Variants in POLA2 observed in about 807,000 individuals in gnomAD.
POLA2 encodes the protein DNA polymerase alpha 2, accessory subunit.
In POLA2, 47 loss-of-function variants were observed where a neutral mutation model predicts 82.8. The observed-to-expected ratio is 0.57, with a 90% confidence interval of 0.45 to 0.72. The LOEUF (loss-of-function observed/expected upper bound fraction) is 0.72. Among genes scored for constraint, POLA2 ranks in the 30% least tolerant of loss-of-function variants. The pLI is 0.00. For missense variants in POLA2, 634 were observed against 728.1 expected, an observed-to-expected ratio of 0.87 and a Z score of 1.49; for synonymous variants, 287 against 286.8, an observed-to-expected ratio of 1.00 and a Z score of -0.01.
At chr11:65,264,847 A>G (rs1451238251) in intron 1 of POLA2, among the ~76,000 whole-genome samples, 1 of 152,132 alleles carries the variant, frequency 6.6e-6, no homozygotes, top group Non-Finnish European at 1.5e-5. Context: ...TTTTCCTACT[A>G]GTATAGAAAT....
chr11:65,276,019 A>C (rs1300150887), intron 5 of POLA2, 21 bp downstream of exon 5: 4 of 1,448,996 alleles, frequency 2.8e-6, no homozygotes, highest in Non-Finnish European at 2.9e-6. Context: ...TAATTCATTC[A>C]AGTGCCATAA....
In POLA2 at chr11:65,275,981, G is replaced by C. The variant is rs371108659; in HGVS notation, c.444G>C (p.Pro148=). The change falls in exon 5 of 18, where the codon CCG becomes CCC. Residue 148 remains proline, a synonymous_variant. Transcript: ENST00000265465. ...STRSPHQLLS[P]SSFSPSATPS... ...GTAGCCCCCATCAGCTACTCTCACC[G>C]TCAAGTTTCTCTCCAAGGTATGGAT... The C allele has an allele frequency of 6.3e-7, 1 of 1,598,810 alleles. No homozygotes were observed. The highest frequency in any genetic ancestry group is 8.5e-7 in the Non-Finnish European group (1 of 1,171,484).
In POLA2 at chr11:65,295,819, GC is replaced by G. The variant is rs767001168; in HGVS notation, c.1521-39del. The stretch of plus-strand genomic sequence containing the variant: ...TAGGGGGACTCTGTCTGAGAAGGGG[GC>G]CCCCCGGTCAGCTAGTGCTGACAAT... On this transcript the variant is annotated intron_variant, in intron 16 of 17. Coordinates refer to ENST00000265465, the MANE Select transcript of POLA2 (RefSeq NM_002689.4). 5.0e-6 allele frequency: 8 copies of G among 1,589,572 alleles called. No homozygotes were observed. In the East Asian group the frequency reaches 9.0e-5, roughly 18 times the overall value.
At chr11:65,301,180 C>T (rs1341723224), downstream of POLA2, among the ~76,000 whole-genome samples, 2 of 151,280 alleles carry the variant, frequency 1.3e-5, no homozygotes, top group Admixed American at 6.6e-5. Context: ...GGACAGAGGG[C>T]GAGAGAGGGG....
In POLA2 at chr11:65,275,450, G is replaced by A. The variant is rs73484954; in HGVS notation, c.355-442G>A. ...AGCTCAACCTTGTTATCTGCCTGGA[G>A]TCATTTCCTTTGAAAATGTATGGTA... On this transcript the variant is annotated intron_variant, in intron 4 of 17. Transcript: ENST00000265465. Among the ~76,000 whole-genome samples, 1,067 of 151,976 alleles carry A rather than the reference G, an allele frequency of 7.0e-3. 12 individuals carry two copies. The highest frequency in any genetic ancestry group is 0.025 in the African/African-American group (1,024 of 41,434).
chr11:65,266,747 A>G (rs1220908665), intron 2 of POLA2, 41 bp downstream of exon 2: 1 of 1,608,582 alleles, frequency 6.2e-7, no homozygotes, highest in Non-Finnish European at 8.5e-7. Flanking sequence ...GTGATTCTCC[A>G]TTTCTGCTCT....
At chr11:65,293,854 C>T (rs1949781053) in intron 13 of POLA2, among the ~76,000 whole-genome samples, 1 of 152,154 alleles carries the variant, frequency 6.6e-6, no homozygotes, top group Non-Finnish European at 1.5e-5. Context: ...TTCTTTGCCC[C>T]TTTTTCTGCC....
chr11:65,292,357 TGCTGA>T (rs1422667369), intron 13 of POLA2, among the ~76,000 whole-genome samples: 2 of 152,262 alleles, frequency 1.3e-5, no homozygotes, highest in African/African-American at 4.8e-5. Context: ...GGTTGTGCAA[TGCTGA>T]GCATAGTTGG....
chr11:65,279,593 T>A lies in POLA2; in HGVS notation c.711T>A (p.Ile237=). The change falls in exon 7 of 18, where the codon ATT becomes ATA. Residue 237 remains isoleucine (I), a synonymous_variant. Coordinates refer to ENST00000265465, the MANE Select transcript of POLA2 (RefSeq NM_002689.4). ...GCGAACTCAAGGAACATTACAAGATTGAAGCTTTCACTCCTTTGCTAGCCC... is the reference window on the plus strand; with the variant it reads ...GCGAACTCAAGGAACATTACAAGATAGAAGCTTTCACTCCTTTGCTAGCCC... ...LGSELKEHYK[I]EAFTPLLAPA... is the part of the protein sequence containing the mutation. 1 of 1,613,772 alleles carries A rather than the reference T, an allele frequency of 6.2e-7. No homozygotes were observed.
At chr11:65,296,704 T>C (rs959758004) in intron 17 of POLA2, among the ~76,000 whole-genome samples, 1 of 152,140 alleles carries the variant, frequency 6.6e-6, no homozygotes, top group African/African-American at 2.4e-5. Context: ...CCCAGCACTT[T>C]GGGAGGCCGA....
At chr11:65,274,278 G>A (rs1364780238) in intron 4 of POLA2, among the ~76,000 whole-genome samples, 1 of 151,962 alleles carries the variant, frequency 6.6e-6, no homozygotes, top group Non-Finnish European at 1.5e-5. Context: ...CTTGAACACG[G>A]GAGGTGGAGT....
intron 10 of POLA2, among the ~76,000 whole-genome samples, chr11:65,286,622 T>G (rs1341723902): frequency 6.6e-6 from 1 of 152,094 alleles, no homozygotes; most frequent in Non-Finnish European, 1.5e-5. Flanking sequence ...CCTCCTGAGC[T>G]CAAGGGATCC....
downstream of POLA2, among the ~76,000 whole-genome samples, chr11:65,299,955 G>GT (rs1400651826): frequency 6.6e-6 from 1 of 152,090 alleles, no homozygotes; most frequent in Non-Finnish European, 1.5e-5. Flanking sequence ...GCATCCTAGA[G>GT]TGCTGGGATT....
chr11:65,263,220 C>CTTTT lies in POLA2; in HGVS notation c.79+867_79+870dup, dbSNP rs547474910. 5.4e-4 allele frequency among the ~76,000 whole-genome samples: 66 copies of CTTTT among 123,180 alleles called. 1 individual carries two copies. Among genetic ancestry groups the CTTTT allele is most frequent in the East Asian group, 2.2e-3 (10 of 4,522 alleles). 80.8% of individuals were successfully genotyped at this position (123,180 alleles called of 152,430 possible). A position where few individuals can be genotyped will look rare whatever the true frequency, so the allele number is the denominator to read the frequency against. On this transcript the variant is annotated intron_variant, in intron 1 of 17. Transcript: ENST00000265465. ...CATGCCCAGTGCCTTCTCTCTCTCT[C>CTTTT]TTTTTTTTTTTTTTTTTTTTTGACA...
chr11:65,262,400 G>A, intron 1 of POLA2, 29 bp downstream of exon 1: 4 of 1,581,994 alleles, frequency 2.5e-6, no homozygotes, highest in Non-Finnish European at 1.7e-6. Context: ...CCGCCCTGCA[G>A]CCGTGCTCCA....
At chr11:65,302,421 CCCTCCCACCACCTG>C (rs1348205879), downstream of POLA2, among the ~76,000 whole-genome samples, 5 of 152,218 alleles carry the variant, frequency 3.3e-5, no homozygotes, top group African/African-American at 1.2e-4. Flanking sequence ...GGGGACCCTG[CCCTCCCACCACCTG>C]CCTCCTACCA....
chr11:65,276,885 G>A (rs1219113317), intron 5 of POLA2, among the ~76,000 whole-genome samples: 3 of 149,188 alleles, frequency 2.0e-5, no homozygotes, highest in Non-Finnish European at 4.4e-5. Flanking sequence ...TCTGCCTCCC[G>A]GTTCAAGCGA....
At chr11:65,267,793 ATT>A (rs201382452) in intron 3 of POLA2, among the ~76,000 whole-genome samples, 6 of 144,828 alleles carry the variant, frequency 4.1e-5, no homozygotes, top group Non-Finnish European at 4.6e-5. Context: ...AAAAGTACAA[ATT>A]TTTTTTTTTT....
At chr11:65,294,071 G>A (rs207471985) in intron 13 of POLA2, 82 bp from the exon 14 acceptor site, 2 of 1,193,928 alleles carry the variant, frequency 1.7e-6, no homozygotes, top group African/African-American at 1.5e-5. Context: ...TCCAGCCTGA[G>A]GCATCCCACC....
Sources: gnomAD v4.1 joint callset for allele counts (sites outside exome capture counted in the v4.1 genomes callset) on GRCh38, gnomAD v4.1.1 for gene constraint, MANE v1.5 for transcripts, NCBI Gene and HGNC (gene_info 2026-07-23, HGNC 2026-07-21) for gene names.